Variants in ROR1 observed in about 807,000 individuals in gnomAD.
The protein encoded by ROR1 is inactive tyrosine-protein kinase transmembrane receptor ROR1.
Under a neutral mutation model 78.8 loss-of-function variants are expected in ROR1, and 19 were observed. That is an observed-to-expected ratio of 0.24 (90% CI 0.17 to 0.35). ROR1 has a LOEUF of 0.35. ROR1 is among the 10% of genes least tolerant of loss of function. The pLI is 1.00. For missense variants in ROR1, 917 were observed against 1,177.8 expected (o/e 0.78, Z 3.24); for synonymous variants, 386 against 433.6 (o/e 0.89, Z 1.36).
At chr1:64,076,696 C>G (rs913579551) in intron 4 of ROR1, among the ~76,000 whole-genome samples, 2 of 152,140 alleles carry the variant, frequency 1.3e-5, no homozygotes, top group Non-Finnish European at 2.9e-5. Context: ...CACAGGATAA[C>G]CAGAGTAACA....
At chr1:63,960,954 T>C (rs1353609649) in intron 1 of ROR1, among the ~76,000 whole-genome samples, 2 of 152,192 alleles carry the variant, frequency 1.3e-5, no homozygotes, top group Non-Finnish European at 2.9e-5. Context: ...TTAACATGAC[T>C]ATGACAACAG....
intron 1 of ROR1, among the ~76,000 whole-genome samples, chr1:63,804,757 A>G (rs1644817846): frequency 6.6e-6 from 1 of 152,090 alleles, no homozygotes; most frequent in African/African-American, 2.4e-5. Flanking sequence ...GCAGAGGGGA[A>G]TGGTTGTGGC....
At chr1:63,955,834 G>A (rs1012273643) in intron 1 of ROR1, among the ~76,000 whole-genome samples, 3 of 152,188 alleles carry the variant, frequency 2.0e-5, no homozygotes, top group African/African-American at 7.2e-5. Context: ...TGCCAAGCAA[G>A]TGTGACTCAG....
chr1:63,876,274 A>G (rs1253320325), intron 1 of ROR1, among the ~76,000 whole-genome samples: 1 of 152,188 alleles, frequency 6.6e-6, no homozygotes, highest in Non-Finnish European at 1.5e-5. Flanking sequence ...TAAAGAAAGC[A>G]CTGGTCTATT....
At chr1:63,956,902 T>C (rs964678004) in intron 1 of ROR1, among the ~76,000 whole-genome samples, 4 of 152,206 alleles carry the variant, frequency 2.6e-5, no homozygotes, top group Admixed American at 6.5e-5. Context: ...ACCTTGCAGA[T>C]ATGCTAAGAA....
chr1:63,880,491 C>CTG (rs1645315152), intron 1 of ROR1, among the ~76,000 whole-genome samples: 1 of 152,178 alleles, frequency 6.6e-6, no homozygotes, highest in Admixed American at 6.5e-5. Context: ...GGAAGTCATG[C>CTG]TGTATGCAAG....
chr1:64,147,560 G>A (rs765987556), intron 7 of ROR1, among the ~76,000 whole-genome samples: 24 of 152,134 alleles, frequency 1.6e-4, no homozygotes, highest in Non-Finnish European at 2.9e-4. Flanking sequence ...AGGGGTATGC[G>A]TGTCTTCTCC....
chr1:64,059,424 G>A (rs542453263), intron 4 of ROR1, among the ~76,000 whole-genome samples: 1 of 152,202 alleles, frequency 6.6e-6, no homozygotes, highest in South Asian at 2.1e-4. Context: ...AAAGAGAGAA[G>A]TCTCAGCCAG....
At chr1:64,001,594 T>C (rs1385097028) in intron 1 of ROR1, among the ~76,000 whole-genome samples, 2 of 152,208 alleles carry the variant, frequency 1.3e-5, no homozygotes, top group Admixed American at 6.5e-5. Context: ...ACACAGCTTT[T>C]GATGTCTTAT....
At chr1:64,162,398 G>A (rs1016771921) in intron 8 of ROR1, among the ~76,000 whole-genome samples, 11 of 152,190 alleles carry the variant, frequency 7.2e-5, no homozygotes, top group African/African-American at 1.4e-4. Flanking sequence ...GACGAGGCCC[G>A]GCTTGGGTCC....
rs930490847 is a variant in ROR1 at position 64,065,191 on chromosome 1, T to C, written c.482+14475T>C. 2.0e-5 allele frequency among the ~76,000 whole-genome samples: 3 copies of C among 152,160 alleles called. No homozygotes were observed. The East Asian group carries it at 5.8e-4, about 29-fold the overall frequency. On this transcript the variant is annotated intron_variant, in intron 4 of 8. Coordinates refer to ENST00000371079, the MANE Select transcript of ROR1 (RefSeq NM_005012.4). ...TGTGCCAGGCCTTTTTATAAAACTT[T>C]GCACAAAAACTAATAGACTATTACT...
intron 1 of ROR1, among the ~76,000 whole-genome samples, chr1:63,946,090 A>T (rs978796426): frequency 4.6e-5 from 7 of 152,224 alleles, no homozygotes; most frequent in Non-Finnish European, 1.0e-4. Flanking sequence ...TTTGGCTGTC[A>T]TAGCCCAGAC....
At chr1:64,037,533 T>G (rs1225173865) in intron 2 of ROR1, among the ~76,000 whole-genome samples, 1 of 152,158 alleles carries the variant, frequency 6.6e-6, no homozygotes, top group African/African-American at 2.4e-5. Flanking sequence ...TCTTGTGTGC[T>G]GGGAACTGGC....
chr1:63,786,606 C>A, intron 1 of ROR1, among the ~76,000 whole-genome samples: 1 of 133,838 alleles, frequency 7.5e-6, no homozygotes. Context: ...GAGCAATTGT[C>A]AGATTTGATG....
At chr1:64,097,085 A>C (rs1313938942) in intron 4 of ROR1, among the ~76,000 whole-genome samples, 1 of 152,130 alleles carries the variant, frequency 6.6e-6, no homozygotes, top group African/African-American at 2.4e-5. Context: ...AGTAGCACAA[A>C]CTTGTTGACT....
chr1:64,059,813 A>G (rs955026322), intron 4 of ROR1, among the ~76,000 whole-genome samples: 1 of 152,142 alleles, frequency 6.6e-6, no homozygotes, highest in Non-Finnish European at 1.5e-5. Flanking sequence ...CCCTTTGCCA[A>G]GAGGTTTAAG....
At chr1:63,918,953 C>G (rs1240404432) in intron 1 of ROR1, among the ~76,000 whole-genome samples, 1 of 152,138 alleles carries the variant, frequency 6.6e-6, no homozygotes, top group Non-Finnish European at 1.5e-5. Context: ...GTTTGCTAAG[C>G]AAATAAAACC....
intron 1 of ROR1, among the ~76,000 whole-genome samples, chr1:63,831,090 G>A (rs1378415504): frequency 6.6e-6 from 1 of 152,190 alleles, no homozygotes; most frequent in Non-Finnish European, 1.5e-5. Flanking sequence ...TGCCCCTATG[G>A]CTCTGCAGGA....
intron 4 of ROR1, among the ~76,000 whole-genome samples, chr1:64,127,739 G>C (rs1202611179): frequency 1.3e-5 from 2 of 152,148 alleles, no homozygotes; most frequent in Admixed American, 1.3e-4. Flanking sequence ...TCTCAATAGG[G>C]CATAATGGTA....
Sources: gnomAD v4.1 joint callset for allele counts (sites outside exome capture counted in the v4.1 genomes callset) on GRCh38, gnomAD v4.1.1 for gene constraint, MANE v1.5 for transcripts, NCBI Gene and HGNC (gene_info 2026-07-23, HGNC 2026-07-21) for gene names.